The following CPQ variants were observed in gnomAD, a reference collection of about 807,000 sequenced individuals.
CPQ encodes carboxypeptidase Q, also known as Ser-Met dipeptidase.
A neutral mutation model predicts 45.7 loss-of-function variants in CPQ; 37 were observed. That is an observed-to-expected ratio of 0.81 (90% CI 0.62 to 1.07). The LOEUF is 1.07. Among genes scored for constraint, CPQ ranks in the 50% least tolerant of loss-of-function variants. CPQ has a pLI of 0.00. For missense variants in CPQ, 537 were observed against 572.9 expected (o/e 0.94, Z 0.64); for synonymous variants, 186 against 205.8 (o/e 0.90, Z 0.82).
At chr8:96,927,851 A>G (rs943882996) in intron 4 of CPQ, among the ~76,000 whole-genome samples, 2 of 152,144 alleles carry the variant, frequency 1.3e-5, no homozygotes, top group African/African-American at 2.4e-5. Context: ...CTTTCTTTCT[A>G]ATACACCAAG....
intron 3 of CPQ, among the ~76,000 whole-genome samples, chr8:96,854,604 A>T (rs1256126848): frequency 6.6e-6 from 1 of 150,940 alleles, no homozygotes; most frequent in South Asian, 2.1e-4. Context: ...ATGAAAGGAA[A>T]GGCTATGTTA....
At chr8:97,028,364 T>C (rs557418443) in intron 5 of CPQ, among the ~76,000 whole-genome samples, 1 of 152,314 alleles carries the variant, frequency 6.6e-6, no homozygotes, top group East Asian at 1.9e-4. Flanking sequence ...GCCACACACC[T>C]GGGTGGCAGC....
chr8:96,946,227 C>T (rs1813186636), intron 4 of CPQ, among the ~76,000 whole-genome samples: 1 of 152,102 alleles, frequency 6.6e-6, no homozygotes, highest in Non-Finnish European at 1.5e-5. Context: ...CTTTTAGTTC[C>T]ATTCCATAGG....
At chr8:97,127,630 A>T (rs375699997) in intron 7 of CPQ, among the ~76,000 whole-genome samples, 1 of 152,216 alleles carries the variant, frequency 6.6e-6, no homozygotes, top group South Asian at 2.1e-4. Context: ...TGAAGGCTGC[A>T]GTAAGCCGAG....
In CPQ at chr8:96,801,142, T is replaced by G. The variant is rs546354174; in HGVS notation, c.433+15812T>G. ...AGGCGTACACCACAACGCCCAGCTATTTTTTGTATTTTTTGGTAGAGATGG... is the reference window on the plus strand; with the variant it reads ...AGGCGTACACCACAACGCCCAGCTAGTTTTTGTATTTTTTGGTAGAGATGG... On this transcript the variant is annotated intron_variant, in intron 2 of 7. Transcript: ENST00000220763. Among the ~76,000 whole-genome samples the G allele has an allele frequency of 1.3e-4, 20 of 152,020 alleles. No homozygotes were observed. In the South Asian group the frequency reaches 2.3e-3, roughly 17 times the overall value.
At chr8:96,924,292 C>T (rs774566490) in intron 4 of CPQ, among the ~76,000 whole-genome samples, 33 of 152,114 alleles carry the variant, frequency 2.2e-4, no homozygotes, top group Non-Finnish European at 1.6e-4. Flanking sequence ...CCAGGGTGGG[C>T]ATTTACTCTA....
intron 2 of CPQ, among the ~76,000 whole-genome samples, chr8:96,787,442 AT>A (rs954280401): frequency 6.7e-6 from 1 of 149,228 alleles, no homozygotes. Flanking sequence ...ATGGTGCTGA[AT>A]TCAGTTTGGT....
chr8:96,935,139 G>C (rs528680975), intron 4 of CPQ, among the ~76,000 whole-genome samples: 1 of 152,232 alleles, frequency 6.6e-6, no homozygotes, highest in South Asian at 2.1e-4. Context: ...CCTTCACAAG[G>C]CTTAACTTTT....
chr8:96,814,267 A>G (rs1041824207), intron 2 of CPQ, among the ~76,000 whole-genome samples: 6 of 152,126 alleles, frequency 3.9e-5, no homozygotes, highest in Admixed American at 3.9e-4. Context: ...AATCACAGGA[A>G]CTCTTTATCA....
intron 5 of CPQ, among the ~76,000 whole-genome samples, chr8:96,977,357 G>A (rs1418663301): frequency 6.6e-6 from 1 of 151,590 alleles, no homozygotes; most frequent in Non-Finnish European, 1.5e-5. Flanking sequence ...TGGCAGGGAT[G>A]CAGTAAAAAG....
intron 3 of CPQ, among the ~76,000 whole-genome samples, chr8:96,876,503 A>G (rs1226397389): frequency 6.6e-6 from 1 of 152,110 alleles, no homozygotes; most frequent in Non-Finnish European, 1.5e-5. Context: ...TCCTTGGCTT[A>G]TTTCTGATCT....
intron 7 of CPQ, among the ~76,000 whole-genome samples, chr8:97,139,524 A>G (rs957171352): frequency 2.6e-5 from 4 of 152,186 alleles, no homozygotes; most frequent in African/African-American, 9.6e-5. Context: ...AACAAAATTC[A>G]AAGAATCTAT....
At chr8:96,761,659 C>T (rs1359111316) in intron 1 of CPQ, among the ~76,000 whole-genome samples, 1 of 152,162 alleles carries the variant, frequency 6.6e-6, no homozygotes, top group Non-Finnish European at 1.5e-5. Context: ...TGACCTTGAG[C>T]ACATCATTTA....
intron 3 of CPQ, among the ~76,000 whole-genome samples, chr8:96,863,858 T>G (rs1173030854): frequency 6.6e-6 from 1 of 152,076 alleles, no homozygotes; most frequent in Non-Finnish European, 1.5e-5. Flanking sequence ...TTTAAAGTTG[T>G]GAGCAGATGA....
At chr8:96,934,834 AGGGCC>A (rs1448665356) in intron 4 of CPQ, among the ~76,000 whole-genome samples, 1 of 152,174 alleles carries the variant, frequency 6.6e-6, no homozygotes, top group East Asian at 1.9e-4. Flanking sequence ...TTTATTATGA[AGGGCC>A]ATACCCAAAG....
At chr8:97,048,182 G>T (rs539131374) in intron 6 of CPQ, among the ~76,000 whole-genome samples, 3 of 152,270 alleles carry the variant, frequency 2.0e-5, no homozygotes, top group Non-Finnish European at 2.9e-5. Context: ...TCCTGGCCAG[G>T]TCCACTTAGT....
intron 1 of CPQ, among the ~76,000 whole-genome samples, chr8:96,783,496 A>C (rs1810719336): frequency 6.6e-6 from 1 of 152,114 alleles, no homozygotes; most frequent in Non-Finnish European, 1.5e-5. Flanking sequence ...TTCCTGCAAT[A>C]AACATTAGTT....
At chr8:97,090,215 T>C (rs756503633) in intron 7 of CPQ, among the ~76,000 whole-genome samples, 1 of 152,190 alleles carries the variant, frequency 6.6e-6, no homozygotes, top group African/African-American at 2.4e-5. Flanking sequence ...TGCTCTGGCA[T>C]TGTGCAACTT....
At chr8:96,861,213 G>A (rs1461654706) in intron 3 of CPQ, among the ~76,000 whole-genome samples, 1 of 152,064 alleles carries the variant, frequency 6.6e-6, no homozygotes, top group Non-Finnish European at 1.5e-5. Context: ...TAGAATATAA[G>A]AAATAGAAAC....
Sources: gnomAD v4.1 joint callset for allele counts (sites outside exome capture counted in the v4.1 genomes callset) on GRCh38, gnomAD v4.1.1 for gene constraint, MANE v1.5 for transcripts, NCBI Gene and HGNC (gene_info 2026-07-23, HGNC 2026-07-21) for gene names.